Variants in RIMBP2 observed in about 807,000 individuals in gnomAD.
The protein encoded by RIMBP2 is RIMS binding protein 2.
In RIMBP2, 48 loss-of-function variants were observed where a neutral mutation model predicts 118.6. The observed-to-expected ratio is 0.40, with a 90% CI of 0.32 to 0.51. RIMBP2 has a LOEUF of 0.51. Among genes scored for constraint, RIMBP2 ranks in the 20% least tolerant of loss-of-function variants. The probability of loss-of-function intolerance (pLI) is 0.41; values close to 1 mark genes in which losing one functional copy is unlikely to be tolerated. For synonymous variants in RIMBP2, 762 were observed against 742.9 expected (o/e 1.03, Z -0.42); for missense variants, 1,551 against 1,768.3 (o/e 0.88, Z 2.20).
At chr12:130,678,732 G>T (rs1161339268) in intron 1 of RIMBP2, among the ~76,000 whole-genome samples, 2 of 152,182 alleles carry the variant, frequency 1.3e-5, no homozygotes, top group Non-Finnish European at 2.9e-5. Context: ...TGGCCAGGCT[G>T]GTCTCGAACT....
At chr12:130,571,416 A>AT (rs1555294909) in intron 2 of RIMBP2, among the ~76,000 whole-genome samples, 1,194 of 104,242 alleles carry the variant, frequency 0.011, 26 homozygotes, top group African/African-American at 0.035. Context: ...CCATAGTAAC[A>AT]TTTTTTTTTT....
intron 3 of RIMBP2, among the ~76,000 whole-genome samples, chr12:130,512,411 C>T (rs2051007594): frequency 6.6e-6 from 1 of 152,208 alleles, no homozygotes; most frequent in Non-Finnish European, 1.5e-5. Flanking sequence ...CAACCTTCAC[C>T]TCCTGGGTTC....
At chr12:130,605,385 G>A (rs973579270) in intron 2 of RIMBP2, among the ~76,000 whole-genome samples, 4 of 152,140 alleles carry the variant, frequency 2.6e-5, no homozygotes, top group Non-Finnish European at 5.9e-5. Context: ...CTAAAAAGAC[G>A]TGGCTGCCAA....
intron 17 of RIMBP2, among the ~76,000 whole-genome samples, chr12:130,421,914 G>A (rs927168212): frequency 6.6e-6 from 1 of 152,226 alleles, no homozygotes; most frequent in African/African-American, 2.4e-5. Context: ...GGAAGAGAAT[G>A]GAAACGGAAT....
intron 1 of RIMBP2, among the ~76,000 whole-genome samples, chr12:130,676,793 C>T (rs1020271528): frequency 1.3e-5 from 2 of 152,138 alleles, no homozygotes; most frequent in Non-Finnish European, 2.9e-5. Context: ...CCTGCCGATC[C>T]CACGCATGTG....
intron 4 of RIMBP2, among the ~76,000 whole-genome samples, chr12:130,505,899 A>G (rs921613768): frequency 7.6e-5 from 9 of 117,984 alleles, no homozygotes; most frequent in African/African-American, 3.1e-4. Context: ...ACGCTTCCCC[A>G]AAGAGGCTAC....
Position 130,442,559 on chromosome 12 carries a change from C to A in RIMBP2, c.793G>T (p.Asp265Tyr). ...CCGGAATGGTTGATGAAGTTCTGAT[C>A]CTGCTCGTTCCCCAGCGTGCTTGCC... ...RLASTLGNEQ[D>Y]QNFINHSGIG... The change falls in exon 11 of 23, where the codon GAT becomes TAT. Residue 265 changes from aspartate (D) to tyrosine (Y), a missense_variant. By Grantham distance (160) the Asp-to-Tyr change is radical (BLOSUM62 -3). This residue lies in a region of RIMBP2 where 265 missense variants were observed against 349.5 expected (regional missense o/e 0.76). Coordinates refer to ENST00000690449, the MANE Select transcript of RIMBP2 (RefSeq NM_001393629.1). The surrounding 1 kb of genome is among the most constrained non-coding windows in gnomAD (Gnocchi z 6.9). 1 of 1,614,146 alleles carries A rather than the reference C, an allele frequency of 6.2e-7. No homozygotes were observed. The highest frequency in any genetic ancestry group is 8.5e-7 in the Non-Finnish European group (1 of 1,180,024).
chr12:130,557,141 C>T (rs2139821997), intron 2 of RIMBP2, among the ~76,000 whole-genome samples: 1 of 152,248 alleles, frequency 6.6e-6, no homozygotes. Context: ...GACCTTTGCA[C>T]ACAGAGCTGC....
At chr12:130,468,144 G>A (rs540139249) in intron 6 of RIMBP2, among the ~76,000 whole-genome samples, 1 of 152,210 alleles carries the variant, frequency 6.6e-6, no homozygotes, top group African/African-American at 2.4e-5. Context: ...GGTGGGACTT[G>A]ACAGCCATGG....
At chr12:130,584,626 T>A (rs1022539764) in intron 2 of RIMBP2, among the ~76,000 whole-genome samples, 5 of 150,998 alleles carry the variant, frequency 3.3e-5, no homozygotes, top group African/African-American at 1.2e-4. Context: ...TACATCATCA[T>A]CACTGCCATC....
chr12:130,707,314 G>A (rs1165466971), intron 1 of RIMBP2, among the ~76,000 whole-genome samples: 27 of 152,174 alleles, frequency 1.8e-4, no homozygotes, highest in Admixed American at 8.5e-4. Flanking sequence ...GGAGGCAACT[G>A]GGAGGAGCAG....
chr12:130,527,748 GA>G (rs151150103), intron 2 of RIMBP2, among the ~76,000 whole-genome samples: 5,494 of 131,354 alleles, frequency 0.042, 317 homozygotes, highest in African/African-American at 0.13. Context: ...ACTTACAAGA[GA>G]AAAAAAAAAA....
At chr12:130,699,245 T>G (rs2065720108) in intron 1 of RIMBP2, among the ~76,000 whole-genome samples, 1 of 152,192 alleles carries the variant, frequency 6.6e-6, no homozygotes, top group Non-Finnish European at 1.5e-5. Context: ...CCCAAAGGAT[T>G]ATAAATCATG....
intron 1 of RIMBP2, among the ~76,000 whole-genome samples, chr12:130,707,419 T>C (rs1231543664): frequency 6.6e-6 from 1 of 152,080 alleles, no homozygotes; most frequent in Non-Finnish European, 1.5e-5. Context: ...GAGGTCCAGA[T>C]GGCTGCTGTC....
Position 130,424,214 on chromosome 12 carries a change from G to A in RIMBP2, c.3057C>T (p.Ser1019=). ...CTGCCCTACTGTCGGGCATGGTTAT[G>A]CTTTTCTTCCAGACACCCCGAAAAT... ...HQDFRGVWKK[S]ITMPDSRAAA... The change falls in exon 16 of 23, where the codon AGC becomes AGT. Residue 1019 remains serine (S), a synonymous_variant. Coordinates refer to ENST00000690449, the MANE Select transcript of RIMBP2 (RefSeq NM_001393629.1). This position sits in a 1 kb window ranked among gnomAD's most constrained non-coding sequence, Gnocchi z 9.8. 1.6e-6 allele frequency: 2 copies of A among 1,232,032 alleles called. No individual in the cohort carries two copies. Among genetic ancestry groups the A allele is most frequent in the South Asian group, 4.1e-5 (1 of 24,308 alleles). The allele number at this position is 1,232,032 out of a possible 1,614,324, so 76.3% of individuals were successfully genotyped here.
chr12:130,480,012 C>T (rs372853957), intron 4 of RIMBP2, among the ~76,000 whole-genome samples: 18 of 152,018 alleles, frequency 1.2e-4, no homozygotes, highest in African/African-American at 3.4e-4. Context: ...TGACCAGCCA[C>T]GAACCCTGGC....
chr12:130,502,581 AG>A (rs2049905031), intron 4 of RIMBP2, among the ~76,000 whole-genome samples: 1 of 152,074 alleles, frequency 6.6e-6, no homozygotes, highest in African/African-American at 2.4e-5. Context: ...ATGTAGGTCT[AG>A]GGAAGCCTCC....
chr12:130,697,970 G>A (rs2065653231), intron 1 of RIMBP2, among the ~76,000 whole-genome samples: 1 of 152,204 alleles, frequency 6.6e-6, no homozygotes, highest in Admixed American at 6.5e-5. Flanking sequence ...AATATTTAGG[G>A]GGACATTTGG....
intron 1 of RIMBP2, among the ~76,000 whole-genome samples, chr12:130,679,649 T>C (rs1205050128): frequency 2.0e-5 from 3 of 152,136 alleles, no homozygotes; most frequent in Non-Finnish European, 4.4e-5. Flanking sequence ...TGTACCCTTT[T>C]CTCTATGGAT....
Sources: allele counts gnomAD v4.1 joint callset (sites outside exome capture counted in the v4.1 genomes callset), GRCh38; gene constraint gnomAD v4.1.1; regional missense constraint gnomAD v4.1.1; non-coding constraint Gnocchi (gnomAD v3.1); transcripts MANE v1.5; gene names NCBI Gene and HGNC (gene_info 2026-07-23, HGNC 2026-07-21).